The following SPECC1 variants were observed in gnomAD, a reference collection of about 807,000 sequenced individuals.
SPECC1 encodes sperm antigen with calponin homology and coiled-coil domains 1, also known as cytospin-B.
Under a neutral mutation model 104.1 loss-of-function variants are expected in SPECC1, and 62 were observed. That is an observed-to-expected ratio of 0.60 (90% CI 0.49 to 0.74). The LOEUF (loss-of-function observed/expected upper bound fraction) is 0.74, where lower values mean the gene tolerates loss of function less well. SPECC1 is among the 30% of genes least tolerant of loss of function. The pLI, the probability that SPECC1 is intolerant of heterozygous loss-of-function variation, is 0.00. For synonymous variants in SPECC1, 513 were observed against 501.6 expected (o/e 1.02, Z -0.30); for missense variants, 1,306 against 1,310.5 (o/e 1.00, Z 0.05).
In SPECC1 at chr17:20,205,309, G is replaced by T; in HGVS notation, c.1260G>T (p.Thr420=). The T allele has an allele frequency of 1.9e-6, 3 of 1,614,196 alleles. No homozygotes were observed. The highest frequency in any genetic ancestry group is 2.2e-5 in the South Asian group (2 of 91,072). The change falls in exon 4 of 15, where the codon ACG becomes ACT. Residue 420 remains threonine, a synonymous_variant. Transcript: ENST00000395527. The stretch of plus-strand genomic sequence containing the variant: ...ATGAGAAGCTGGTGGATGAAAAGAC[G>T]ATTTTAGAGACATCCTTTCATCAGC... ...AENEKLVDEK[T]ILETSFHQHR...
chr17:20,261,871 A>T (rs1354968628), intron 12 of SPECC1, among the ~76,000 whole-genome samples: 1 of 152,012 alleles, frequency 6.6e-6, no homozygotes. Flanking sequence ...TGCAGTCACC[A>T]CTCCCATCCA....
chr17:20,275,822 G>A (rs923717204), intron 12 of SPECC1, among the ~76,000 whole-genome samples: 1 of 152,152 alleles, frequency 6.6e-6, no homozygotes, highest in Admixed American at 6.5e-5. Flanking sequence ...TCCCCATGTG[G>A]CCACTTGATC....
chr17:20,217,594 C>T (rs1479626832), intron 4 of SPECC1, among the ~76,000 whole-genome samples: 1 of 152,128 alleles, frequency 6.6e-6, no homozygotes, highest in South Asian at 2.1e-4. Context: ...GGTGACAGGC[C>T]CTTAGCCTGA....
intron 4 of SPECC1, among the ~76,000 whole-genome samples, chr17:20,226,415 G>C (rs2038208028): frequency 6.6e-6 from 1 of 152,144 alleles, no homozygotes. Context: ...GCACAATATA[G>C]TGTAGCATTG....
chr17:20,156,270 G>T lies in SPECC1; in HGVS notation c.283+45708G>T, dbSNP rs118085302. 8,462 of 1,296,916 alleles carry T rather than the reference G, an allele frequency of 6.5e-3. 360 individuals carry two copies. In the East Asian group the frequency reaches 0.11, roughly 17 times the overall value. 80.3% of individuals were successfully genotyped at this position (1,296,916 alleles called of 1,614,324 possible). A position where few individuals can be genotyped will look rare whatever the true frequency, so the allele number is the denominator to read the frequency against. On this transcript the variant is annotated intron_variant, in intron 3 of 14. Transcript: ENST00000395527. ...GGCTGGCGGGGGTCGCGCCGCAGCC[G>T]CAACCCCACCCCCCCTCCAGGCGCC... is the stretch of plus-strand genomic sequence containing the variant.
chr17:20,300,049 A>G (rs1393246001), intron 13 of SPECC1, among the ~76,000 whole-genome samples: 2 of 152,228 alleles, frequency 1.3e-5, no homozygotes, highest in African/African-American at 4.8e-5. Flanking sequence ...TTTAATTTCA[A>G]TTTTCATGTT....
rs2042017673 is a variant in SPECC1, at chr17:20,314,744, G to T, written c.*679G>T. 4.7e-6 allele frequency: 1 copy of T among 214,258 alleles called. No homozygotes were observed. Among genetic ancestry groups the T allele is most frequent in the Non-Finnish European group, 8.8e-6 (1 of 113,016 alleles). 13.3% of individuals were successfully genotyped at this position (214,258 alleles called of 1,614,324 possible). A position where few individuals can be genotyped will look rare whatever the true frequency, so the allele number is the denominator to read the frequency against. ...ACAAAAAATAAACATTTGTTCCAGG[G>T]CAACCTGGAAACGTGCGTGCGCACT... On this transcript the variant is annotated 3_prime_UTR_variant, in exon 15 of 15. Coordinates refer to ENST00000395527, the MANE Select transcript of SPECC1 (RefSeq NM_001243439.2).
intron 3 of SPECC1, among the ~76,000 whole-genome samples, chr17:20,137,987 G>A (rs931963304): frequency 2.0e-5 from 3 of 151,566 alleles, no homozygotes; most frequent in African/African-American, 7.3e-5. Flanking sequence ...TTATTTTTAT[G>A]CAACAGGGTC....
chr17:20,070,305 C>T (rs1410755100), intron 1 of SPECC1, among the ~76,000 whole-genome samples: 1 of 152,014 alleles, frequency 6.6e-6, no homozygotes, highest in Non-Finnish European at 1.5e-5. Context: ...TCTAGTTGTT[C>T]AGTGTTTATA....
At chr17:20,193,712 T>G (rs988397153) in intron 3 of SPECC1, among the ~76,000 whole-genome samples, 1 of 152,192 alleles carries the variant, frequency 6.6e-6, no homozygotes, top group South Asian at 2.1e-4. Context: ...CAGCAATATA[T>G]TCCACAAGAG....
rs373062828 is a variant in SPECC1 at position 20,204,354 on chromosome 17, G to C, written c.305G>C (p.Arg102Pro). ...TAAGGGGCCTTTACAACAACTAAAC[G>C]GACAGGCATTCCAGCCCCACGGGAA... ...SGTGAFTTTK[R>P]TGIPAPREFS... is the part of the protein sequence containing the mutation. The change falls in exon 4 of 15, where the codon CGG becomes CCG. Residue 102 changes from arginine to proline, a missense_variant. Physicochemically the swap from Arg to Pro is moderately radical, Grantham distance 103. Transcript: ENST00000395527. 3 of 1,611,890 alleles carry C rather than the reference G, an allele frequency of 1.9e-6. No homozygotes were observed. In the East Asian group the frequency reaches 6.7e-5, roughly 36 times the overall value.
intron 2 of SPECC1, among the ~76,000 whole-genome samples, chr17:20,102,106 A>T (rs1475530968): frequency 6.6e-6 from 1 of 152,246 alleles, no homozygotes; most frequent in Non-Finnish European, 1.5e-5. Flanking sequence ...AGCAAGCCAG[A>T]AATCTCAAGT....
intron 1 of SPECC1, among the ~76,000 whole-genome samples, chr17:20,022,813 A>T (rs192146419): frequency 6.6e-6 from 1 of 152,332 alleles, no homozygotes; most frequent in East Asian, 1.9e-4. Flanking sequence ...AAGCATGGTG[A>T]TGATGTTCCC....
intron 3 of SPECC1, among the ~76,000 whole-genome samples, chr17:20,134,099 A>G (rs2049800527): frequency 6.6e-6 from 1 of 150,390 alleles, no homozygotes; most frequent in Non-Finnish European, 1.5e-5. Flanking sequence ...AAACATGTAT[A>G]TATTTATGTA....
chr17:20,039,696 A>G (rs1028296323), intron 1 of SPECC1, among the ~76,000 whole-genome samples: 3 of 152,122 alleles, frequency 2.0e-5, no homozygotes, highest in African/African-American at 7.2e-5. Flanking sequence ...TTGGGACTAC[A>G]GGCGTGTGCC....
chr17:20,255,887 T>G (rs2039809706), intron 10 of SPECC1, among the ~76,000 whole-genome samples: 1 of 151,738 alleles, frequency 6.6e-6, no homozygotes, highest in Non-Finnish European at 1.5e-5. Context: ...ACCATTCTTT[T>G]TTTTTTTTGA....
intron 2 of SPECC1, among the ~76,000 whole-genome samples, chr17:20,101,206 G>A (rs578186436): frequency 3.3e-5 from 5 of 152,240 alleles, no homozygotes; most frequent in Middle Eastern, 6.8e-3. Flanking sequence ...GGGTCAAATG[G>A]TATTTCTGGT....
chr17:20,294,704 A>G (rs891101150), intron 12 of SPECC1, among the ~76,000 whole-genome samples: 2 of 128,054 alleles, frequency 1.6e-5, no homozygotes, highest in African/African-American at 5.4e-5. Context: ...TTATGAAGGT[A>G]CTGATGATGG....
chr17:20,109,492 A>C (rs1354221471), intron 2 of SPECC1, among the ~76,000 whole-genome samples: 18 of 151,980 alleles, frequency 1.2e-4, no homozygotes, highest in Admixed American at 1.2e-3. Context: ...AGTGTGGATC[A>C]CTTAGGAGTC....
Sources: gnomAD v4.1 joint callset for allele counts (sites outside exome capture counted in the v4.1 genomes callset) on GRCh38, gnomAD v4.1.1 for gene constraint, MANE v1.5 for transcripts, NCBI Gene and HGNC (gene_info 2026-07-23, HGNC 2026-07-21) for gene names.